Variants in MYLK4 observed in about 807,000 individuals in gnomAD.
The protein encoded by MYLK4 is caMLCK like.
Under a neutral mutation model 48.1 loss-of-function variants are expected in MYLK4, and 46 were observed. The observed-to-expected ratio is 0.96, with a 90% CI of 0.75 to 1.22. The LOEUF is 1.22. Ranked by LOEUF, MYLK4 falls within the 50% of genes most tolerant of loss-of-function variation. The pLI is 0.00. For missense variants in MYLK4, 451 were observed against 486.1 expected, an observed-to-expected ratio of 0.93 and a Z score of 0.68; for synonymous variants, 170 against 180.8, an observed-to-expected ratio of 0.94 and a Z score of 0.48.
upstream of MYLK4, chr6:2,751,047 C>T (rs1230489229): frequency 6.6e-6 from 1 of 152,638 alleles, no homozygotes; most frequent in Middle Eastern, 3.2e-3. Context: ...AGGCCAATGG[C>T]TCCATTTCAG....
chr6:2,768,679 C>A, the MYLK4 span: 1 of 1,585,990 alleles, frequency 6.3e-7, no homozygotes, highest in South Asian at 1.1e-5. Context: ...CCATGTATGT[C>A]ATCTTTTCTA....
chr6:2,749,029 G>A lies in MYLK4; in HGVS notation c.159+107C>T, dbSNP rs536435155. 6.6e-4 allele frequency: 636 copies of A among 957,712 alleles called. 7 individuals are homozygous for A. The highest frequency in any genetic ancestry group is 2.7e-4 in the Middle Eastern group (1 of 3,742). 59.3% of individuals were successfully genotyped at this position (957,712 alleles called of 1,614,324 possible). A position where few individuals can be genotyped will look rare whatever the true frequency, so the allele number is the denominator to read the frequency against. On this transcript the variant is annotated intron_variant, in intron 2 of 12. Transcript: ENST00000274643. ...TCTCACTGAAGCAAAGTGGAATGAT[G>A]CCTATTCATAAACTTTCCTTAATTG...
chr6:2,758,262 T>C, the MYLK4 span, among the ~76,000 whole-genome samples: 1 of 152,044 alleles, frequency 6.6e-6, no homozygotes, highest in Non-Finnish European at 1.5e-5. Context: ...CACTTACTGT[T>C]ATTGTATACC....
At chr6:2,713,820 T>C (rs74985905) in intron 2 of MYLK4, among the ~76,000 whole-genome samples, 1,589 of 152,280 alleles carry the variant, frequency 0.01, 25 homozygotes, top group African/African-American at 0.036. Context: ...TGAGCTCCCA[T>C]TCAGTAGAGA....
intron 3 of MYLK4, among the ~76,000 whole-genome samples, chr6:2,690,554 G>A (rs530734662): frequency 6.6e-6 from 1 of 152,284 alleles, no homozygotes; most frequent in East Asian, 1.9e-4. Flanking sequence ...TGACGAGGAC[G>A]TGAGCTCCGT....
chr6:2,703,041 T>C (rs1176772301), intron 2 of MYLK4, among the ~76,000 whole-genome samples: 1 of 152,094 alleles, frequency 6.6e-6, no homozygotes, highest in Non-Finnish European at 1.5e-5. Context: ...GGCTGGTAAA[T>C]AGGGGATTTT....
intron 2 of MYLK4, among the ~76,000 whole-genome samples, chr6:2,730,690 GT>G (rs570548989): frequency 1.3e-5 from 2 of 150,080 alleles, no homozygotes; most frequent in Admixed American, 6.7e-5. Context: ...CTCATACCCT[GT>G]TTTTTTTTCT....
the MYLK4 span, among the ~76,000 whole-genome samples, chr6:2,760,087 G>A: frequency 1.3e-5 from 2 of 152,054 alleles, no homozygotes; most frequent in Admixed American, 6.5e-5. Context: ...ATTGTATTAG[G>A]TATCACAAGT....
chr6:2,746,012 G>A (rs1401679279), intron 2 of MYLK4, among the ~76,000 whole-genome samples: 1 of 151,972 alleles, frequency 6.6e-6, no homozygotes, highest in East Asian at 1.9e-4. Context: ...CAGCACTTTG[G>A]GAGGCCAAGG....
the MYLK4 span, among the ~76,000 whole-genome samples, chr6:2,761,201 G>C: frequency 6.6e-6 from 1 of 152,090 alleles, no homozygotes; most frequent in South Asian, 2.1e-4. Flanking sequence ...TCTGACTGTG[G>C]GGAAGGAAGA....
chr6:2,761,336 G>A, the MYLK4 span, among the ~76,000 whole-genome samples: 1 of 152,012 alleles, frequency 6.6e-6, no homozygotes, highest in Non-Finnish European at 1.5e-5. Context: ...CATTTCCTGG[G>A]ACCTTATACT....
chr6:2,726,726 C>T (rs1447219817), intron 2 of MYLK4, among the ~76,000 whole-genome samples: 5 of 151,756 alleles, frequency 3.3e-5, no homozygotes, highest in Non-Finnish European at 7.4e-5. Flanking sequence ...AATTCTCCTG[C>T]CTCAGCCTCC....
At chr6:2,674,192 G>T (rs1760999378) in intron 11 of MYLK4, among the ~76,000 whole-genome samples, 2 of 152,202 alleles carry the variant, frequency 1.3e-5, no homozygotes, top group African/African-American at 4.8e-5. Flanking sequence ...AGATTTCATT[G>T]TAAGAAGTTA....
chr6:2,704,522 A>G (rs1437540024), intron 2 of MYLK4, among the ~76,000 whole-genome samples: 1 of 152,226 alleles, frequency 6.6e-6, no homozygotes, highest in African/African-American at 2.4e-5. Flanking sequence ...CAGAACATGT[A>G]CTATAAACAT....
intron 2 of MYLK4, among the ~76,000 whole-genome samples, chr6:2,725,567 GAAAGAAAGAA>G (rs1763232693): frequency 8.0e-6 from 1 of 125,208 alleles, no homozygotes; most frequent in African/African-American, 3.0e-5. Flanking sequence ...AAGAAAGAAA[GAAAGAAAGAA>G]AAAGAAAGAG....
chr6:2,762,826 C>G, the MYLK4 span, among the ~76,000 whole-genome samples: 1 of 152,162 alleles, frequency 6.6e-6, no homozygotes, highest in African/African-American at 2.4e-5. Flanking sequence ...GGTCTTAGGT[C>G]AGCATCTCTT....
At chr6:2,734,434 A>G (rs1464406859) in intron 2 of MYLK4, among the ~76,000 whole-genome samples, 1 of 151,958 alleles carries the variant, frequency 6.6e-6, no homozygotes, top group Non-Finnish European at 1.5e-5. Flanking sequence ...ACGTCCTCTC[A>G]CCCGGGCTTA....
chr6:2,711,007 T>G (rs1436944775), intron 2 of MYLK4, among the ~76,000 whole-genome samples: 1 of 152,142 alleles, frequency 6.6e-6, no homozygotes, highest in African/African-American at 2.4e-5. Context: ...TCTCCAGGAG[T>G]GTTTTCCTGA....
At position 2,685,836 on chromosome 6, in the gene MYLK4, C is replaced by T. The variant is rs572913805; in HGVS notation, c.342-260G>A. On this transcript the variant is annotated intron_variant, in intron 4 of 12. Coordinates refer to ENST00000274643, the MANE Select transcript of MYLK4 (RefSeq NM_001012418.5). The surrounding 1 kb of genome is among the most constrained non-coding windows in gnomAD (Gnocchi z 4.5). ...CTGTAATCCCAGCACTTTGGGAGGC[C>T]GAGGCGGGAGGATCACGAGGTCAGG... 2.4e-4 allele frequency among the ~76,000 whole-genome samples: 36 copies of T among 152,018 alleles called. No homozygotes were observed. The highest frequency in any genetic ancestry group is 8.0e-4 in the African/African-American group (33 of 41,466).
Sources: gnomAD v4.1 joint callset for allele counts (sites outside exome capture counted in the v4.1 genomes callset) on GRCh38, gnomAD v4.1.1 for gene constraint, Gnocchi (gnomAD v3.1) non-coding constraint, MANE v1.5 for transcripts, NCBI Gene and HGNC (gene_info 2026-07-23, HGNC 2026-07-21) for gene names.